The following GALNT13 variants were observed in gnomAD, a reference collection of about 807,000 sequenced individuals.
GALNT13 encodes UDP-GalNAc:polypeptide N-acetylgalactosaminyltransferase 13.
A neutral mutation model predicts 64.2 loss-of-function variants in GALNT13; 28 were observed. That is an observed-to-expected ratio of 0.44 (90% CI 0.32 to 0.60). The LOEUF is 0.60. GALNT13 is among the 20% of genes least tolerant of loss of function. GALNT13 has a pLI of 0.05. For synonymous variants in GALNT13, 214 were observed against 224.6 expected, an observed-to-expected ratio of 0.95 and a Z score of 0.42; for missense variants, 577 against 669.8, an observed-to-expected ratio of 0.86 and a Z score of 1.53.
chr2:154,359,415 A>G (rs1696935888), intron 9 of GALNT13, among the ~76,000 whole-genome samples: 1 of 152,138 alleles, frequency 6.6e-6, no homozygotes, highest in African/African-American at 2.4e-5. Flanking sequence ...GGAGCTGATC[A>G]TAATCCAGTA....
intron 4 of GALNT13, among the ~76,000 whole-genome samples, chr2:154,173,372 T>TTTAAA (rs146885826): frequency 1.4e-4 from 21 of 151,536 alleles, no homozygotes; most frequent in Non-Finnish European, 2.7e-4. Context: ...AATTTAAATT[T>TTTAAA]TTAAATTAAA....
the GALNT13 span, among the ~76,000 whole-genome samples, chr2:153,434,699 G>A: frequency 6.6e-6 from 1 of 151,998 alleles, no homozygotes; most frequent in Admixed American, 6.6e-5. Context: ...TTGTAAATTT[G>A]TTTGAGTTCA....
At chr2:153,861,258 T>C in the GALNT13 span, among the ~76,000 whole-genome samples, 2 of 152,226 alleles carry the variant, frequency 1.3e-5, no homozygotes, top group South Asian at 2.1e-4. Flanking sequence ...ATGTAGTGTA[T>C]ACTTATTTTA....
At chr2:153,752,331 G>A in the GALNT13 span, among the ~76,000 whole-genome samples, 13 of 152,068 alleles carry the variant, frequency 8.5e-5, no homozygotes, top group South Asian at 2.1e-3. Context: ...TTACCAGTGA[G>A]TTTTGTTCCT....
At chr2:154,342,460 C>T (rs1446498558) in intron 9 of GALNT13, among the ~76,000 whole-genome samples, 3 of 151,952 alleles carry the variant, frequency 2.0e-5, no homozygotes, top group Non-Finnish European at 4.4e-5. Context: ...TAGAACAAAT[C>T]GAGGCTGCTG....
At chr2:153,200,947 T>C in the GALNT13 span, among the ~76,000 whole-genome samples, 2 of 152,246 alleles carry the variant, frequency 1.3e-5, no homozygotes, top group East Asian at 1.9e-4. Flanking sequence ...TAATGCTTTC[T>C]GTTGCTATTG....
At chr2:153,336,906 T>C in the GALNT13 span, among the ~76,000 whole-genome samples, 1 of 152,188 alleles carries the variant, frequency 6.6e-6, no homozygotes, top group African/African-American at 2.4e-5. Flanking sequence ...GACTTTCCCG[T>C]GCTATTCTTG....
At chr2:153,315,616 T>G in the GALNT13 span, among the ~76,000 whole-genome samples, 1 of 152,170 alleles carries the variant, frequency 6.6e-6, no homozygotes, top group Non-Finnish European at 1.5e-5. Context: ...ATTCCATTAT[T>G]GATACAATAA....
intron 4 of GALNT13, among the ~76,000 whole-genome samples, chr2:154,163,001 C>G (rs1341282385): frequency 6.8e-6 from 1 of 148,022 alleles, no homozygotes; most frequent in African/African-American, 2.5e-5. Flanking sequence ...TTTTATTATA[C>G]TTTAAGTTTT....
At chr2:154,061,888 C>T (rs530059054) in intron 3 of GALNT13, among the ~76,000 whole-genome samples, 1 of 152,034 alleles carries the variant, frequency 6.6e-6, no homozygotes, top group South Asian at 2.1e-4. Flanking sequence ...TAAGTAGGTT[C>T]CTCACTAAGA....
chr2:153,856,138 C>T, the GALNT13 span, among the ~76,000 whole-genome samples: 1 of 152,152 alleles, frequency 6.6e-6, no homozygotes, highest in South Asian at 2.1e-4. Flanking sequence ...ATGTTCTAGA[C>T]ATAGTTGTGG....
At chr2:153,092,609 A>T in the GALNT13 span, among the ~76,000 whole-genome samples, 1 of 152,062 alleles carries the variant, frequency 6.6e-6, no homozygotes, top group Non-Finnish European at 1.5e-5. Context: ...TGTAAATGAG[A>T]TTACTTTCTG....
At chr2:153,314,019 A>G in the GALNT13 span, among the ~76,000 whole-genome samples, 1 of 152,304 alleles carries the variant, frequency 6.6e-6, no homozygotes, top group Non-Finnish European at 1.5e-5. Context: ...GTATTATAGC[A>G]GCACTAATGA....
the GALNT13 span, among the ~76,000 whole-genome samples, chr2:153,280,651 T>C: frequency 1.3e-5 from 2 of 152,194 alleles, no homozygotes; most frequent in African/African-American, 4.8e-5. Context: ...AGCTGTTTAA[T>C]TTTCATATAA....
chr2:153,994,448 G>A (rs1041771967), intron 3 of GALNT13, among the ~76,000 whole-genome samples: 1 of 152,126 alleles, frequency 6.6e-6, no homozygotes. Flanking sequence ...GGGATGGCTG[G>A]GTGAAATGGT....
chr2:153,315,483 A>G, the GALNT13 span, among the ~76,000 whole-genome samples: 1 of 152,258 alleles, frequency 6.6e-6, no homozygotes, highest in Non-Finnish European at 1.5e-5. Context: ...ATAATCATTC[A>G]GACCATAGCA....
chr2:153,108,898 T>G, the GALNT13 span, among the ~76,000 whole-genome samples: 1 of 152,186 alleles, frequency 6.6e-6, no homozygotes, highest in Non-Finnish European at 1.5e-5. Flanking sequence ...TTTCATTCAA[T>G]AAGTAGTATA....
chr2:153,365,468 G>T, the GALNT13 span, among the ~76,000 whole-genome samples: 1 of 152,126 alleles, frequency 6.6e-6, no homozygotes, highest in Non-Finnish European at 1.5e-5. Flanking sequence ...TACAGAGTCG[G>T]AGAAAATTTT....
At chr2:153,331,438 G>GATAT in the GALNT13 span, among the ~76,000 whole-genome samples, 17 of 151,432 alleles carry the variant, frequency 1.1e-4, no homozygotes, top group Non-Finnish European at 1.8e-4. Context: ...ATAGGATGGA[G>GATAT]ATATATATAT....
Sources: gnomAD v4.1 joint callset for allele counts (sites outside exome capture counted in the v4.1 genomes callset) on GRCh38, gnomAD v4.1.1 for gene constraint, MANE v1.5 for transcripts, NCBI Gene and HGNC (gene_info 2026-07-23, HGNC 2026-07-21) for gene names.